The following TLE1 variants were observed in gnomAD, a reference collection of about 807,000 sequenced individuals.
TLE1 encodes transducin-like enhancer protein 1.
A neutral mutation model predicts 89.8 loss-of-function variants in TLE1; 21 were observed. That is an observed-to-expected ratio of 0.23 (90% CI 0.17 to 0.34). TLE1 has a LOEUF of 0.34. Among genes scored for constraint, TLE1 ranks in the 10% least tolerant of loss-of-function variants. The pLI, the probability that TLE1 is intolerant of heterozygous loss-of-function variation, is 1.00. For missense variants in TLE1, 795 were observed against 1,031.2 expected (o/e 0.77, Z 3.14); for synonymous variants, 447 against 407.6 (o/e 1.10, Z -1.16).
intron 14 of TLE1, among the ~76,000 whole-genome samples, chr9:81,602,219 T>TTAGCA (rs1337053563): frequency 6.6e-6 from 1 of 152,044 alleles, no homozygotes; most frequent in African/African-American, 2.4e-5. Context: ...TCCCATTGTG[T>TTAGCA]TAGCACAGGA....
chr9:81,682,545 G>A (rs968869929), intron 4 of TLE1, among the ~76,000 whole-genome samples: 8 of 152,124 alleles, frequency 5.3e-5, no homozygotes, highest in African/African-American at 1.9e-4. Flanking sequence ...GCTAAAATAA[G>A]GTTTATGTGT....
intron 4 of TLE1, among the ~76,000 whole-genome samples, chr9:81,673,529 C>T (rs879867221): frequency 3.3e-5 from 5 of 152,068 alleles, no homozygotes; most frequent in East Asian, 3.9e-4. Context: ...TCCCTCAGAG[C>T]GCCCCCATGC....
intron 6 of TLE1, among the ~76,000 whole-genome samples, chr9:81,644,932 TGCAGTGA>T (rs1828640273): frequency 7.0e-6 from 1 of 143,204 alleles, no homozygotes; most frequent in Admixed American, 7.5e-5. Context: ...AAGCGGAGGT[TGCAGTGA>T]GCCGATATCG....
In TLE1 at chr9:81,652,291, T is replaced by C; in HGVS notation, c.298-3A>G. The C allele has an allele frequency of 6.2e-7, 1 of 1,612,822 alleles. No individual in the cohort carries two copies. The highest frequency in any genetic ancestry group is 8.5e-7 in the Non-Finnish European group (1 of 1,179,234). ...GCCTGGGCCACCTGTTGTTGATGCT[T>C]TGAAAACAAGGAGAAGAAAGGGCAT... On this transcript the variant is annotated splice_polypyrimidine_tract_variant and splice_region_variant and intron_variant, in intron 5 of 19. Transcript: ENST00000376499.
In TLE1 at chr9:81,616,173, G is replaced by A. The variant is rs770055961; in HGVS notation, c.766-39C>T. The A allele has an allele frequency of 2.5e-6, 4 of 1,572,566 alleles. No homozygotes were observed. The South Asian group carries it at 4.8e-5, about 19-fold the overall frequency. On this transcript the variant is annotated intron_variant, in intron 10 of 19. Coordinates refer to ENST00000376499, the MANE Select transcript of TLE1 (RefSeq NM_005077.5). The stretch of plus-strand genomic sequence containing the variant: ...ATCAAAAGTTTTCGTGATTTAGCTT[G>A]TAACAGACAGACTTTTCCCTTTCCA...
intron 16 of TLE1, among the ~76,000 whole-genome samples, chr9:81,590,315 G>C (rs1219182636): frequency 6.6e-6 from 1 of 152,198 alleles, no homozygotes; most frequent in Non-Finnish European, 1.5e-5. Flanking sequence ...CCACCCCTGG[G>C]CAGGTCTATT....
chr9:81,589,771 A>G (rs2131802752), intron 16 of TLE1, among the ~76,000 whole-genome samples: 2 of 152,332 alleles, frequency 1.3e-5, no homozygotes, highest in Middle Eastern at 3.4e-3. Flanking sequence ...AAAAAGAAAA[A>G]AACAAGTAAC....
chr9:81,616,636 G>C lies in TLE1; in HGVS notation c.765+10C>G. ...TTCTGAAGACAAACTTTGATGAAAA[G>C]AATGGTTACCTCATTAGACACATCC... is the stretch of plus-strand genomic sequence containing the variant. On this transcript the variant is annotated intron_variant, in intron 10 of 19. Transcript: ENST00000376499. 6.2e-7 allele frequency: 1 copy of C among 1,613,188 alleles called. No homozygotes were observed. Among genetic ancestry groups the C allele is most frequent in the Middle Eastern group, 1.7e-4 (1 of 6,060 alleles).
chr9:81,600,840 G>C (rs1349321527), intron 14 of TLE1, among the ~76,000 whole-genome samples: 1 of 152,152 alleles, frequency 6.6e-6, no homozygotes, highest in Non-Finnish European at 1.5e-5. Context: ...TGAAGGCCTG[G>C]ACAGGACAGA....
At chr9:81,586,364 C>T (rs1828457734) in intron 17 of TLE1, among the ~76,000 whole-genome samples, 2 of 152,162 alleles carry the variant, frequency 1.3e-5, no homozygotes, top group South Asian at 4.1e-4. Flanking sequence ...CACTTACACA[C>T]ACCTAGAGAG....
rs5898756 is a variant in TLE1, at chr9:81,673,272, TAA to T, written c.234+12402_234+12403del. On this transcript the variant is annotated intron_variant, in intron 4 of 19. Transcript: ENST00000376499. ...TGGGGGACAAGAGCGAGACTTCATT[TAA>T]AAAAAAAAAAAAAAAAAAAACAGAC... is the stretch of plus-strand genomic sequence containing the variant. 4.6e-3 allele frequency among the ~76,000 whole-genome samples: 451 copies of T among 98,004 alleles called. 1 individual carries two copies. The highest frequency in any genetic ancestry group is 0.015 in the African/African-American group (386 of 25,022). The allele number at this position is 98,004 out of a possible 152,430, so 64.3% of individuals were successfully genotyped here.
intron 14 of TLE1, among the ~76,000 whole-genome samples, chr9:81,607,866 G>A (rs1176851263): frequency 6.6e-6 from 1 of 152,202 alleles, no homozygotes; most frequent in Non-Finnish European, 1.5e-5. Flanking sequence ...ATTGGGCACA[G>A]AGGTCATCAT....
chr9:81,688,134 A>G, intron 1 of TLE1, 83 bp downstream of exon 1: 2 of 1,558,270 alleles, frequency 1.3e-6, no homozygotes. Context: ...GCCGGGCCTC[A>G]GAAGCCACCA....
At chr9:81,599,822 A>C (rs1830681116) in intron 14 of TLE1, 1 of 356,286 alleles carries the variant, frequency 2.8e-6, no homozygotes, top group Non-Finnish European at 5.0e-6. Flanking sequence ...ATTAACAACT[A>C]ACTTGAAAGT....
intron 6 of TLE1, among the ~76,000 whole-genome samples, chr9:81,651,902 T>G (rs1272239526): frequency 6.6e-6 from 1 of 152,066 alleles, no homozygotes; most frequent in African/African-American, 2.4e-5. Context: ...GAGGATCACT[T>G]GAGTTCCAGG....
intron 2 of TLE1, among the ~76,000 whole-genome samples, chr9:81,686,412 T>G (rs535593701): frequency 6.6e-6 from 1 of 152,308 alleles, no homozygotes; most frequent in Admixed American, 6.5e-5. Flanking sequence ...ATAAAGTGGG[T>G]TGAAGTTCTC....
At chr9:81,684,122 A>C (rs892320814) in intron 4 of TLE1, among the ~76,000 whole-genome samples, 9 of 151,666 alleles carry the variant, frequency 5.9e-5, no homozygotes, top group African/African-American at 1.9e-4. Flanking sequence ...TCTGTTATCC[A>C]AAAAAAAGTG....
At chr9:81,610,393 C>A (rs1448774742) in intron 13 of TLE1, 97 bp from the exon 14 acceptor site, 7 of 887,628 alleles carry the variant, frequency 7.9e-6, no homozygotes, top group Middle Eastern at 2.2e-4. Flanking sequence ...ATCCCCAAAG[C>A]AACATAAATG....
At chr9:81,597,670 G>A (rs143965362) in intron 14 of TLE1, among the ~76,000 whole-genome samples, 272 of 152,264 alleles carry the variant, frequency 1.8e-3, no homozygotes, top group African/African-American at 5.3e-3. Flanking sequence ...GATCAGGATC[G>A]CTTCTGCTTC....
Sources: gnomAD v4.1 joint callset for allele counts (sites outside exome capture counted in the v4.1 genomes callset) on GRCh38, gnomAD v4.1.1 for gene constraint, MANE v1.5 for transcripts, NCBI Gene and HGNC (gene_info 2026-07-23, HGNC 2026-07-21) for gene names.